The following MTHFD2L variants were observed in gnomAD, a reference collection of about 807,000 sequenced individuals.
MTHFD2L encodes methylenetetrahydrofolate dehydrogenase (NADP+ dependent) 2 like, also known as bifunctional methylenetetrahydrofolate dehydrogenase/cyclohydrolase 2, mitochondrial.
In MTHFD2L, 29 loss-of-function variants were observed where a neutral mutation model predicts 34.9. That is an observed-to-expected ratio of 0.83 (90% CI 0.62 to 1.13). The LOEUF is 1.13. MTHFD2L is among the 50% of genes most tolerant of loss of function. The probability of loss-of-function intolerance (pLI) is 0.00; values close to 1 mark genes in which losing one functional copy is unlikely to be tolerated. For synonymous variants in MTHFD2L, 167 were observed against 155.7 expected (o/e 1.07, Z -0.54); for missense variants, 481 against 446.5 (o/e 1.08, Z -0.70).
At chr4:74,270,914 A>C (rs1329316150) in intron 6 of MTHFD2L, among the ~76,000 whole-genome samples, 1 of 151,942 alleles carries the variant, frequency 6.6e-6, no homozygotes, top group Non-Finnish European at 1.5e-5. Flanking sequence ...CATTTCTCTG[A>C]TGGCCAGTGA....
chr4:74,225,706 A>G (rs1739044625), intron 6 of MTHFD2L, among the ~76,000 whole-genome samples: 2 of 152,162 alleles, frequency 1.3e-5, no homozygotes, highest in Non-Finnish European at 2.9e-5. Flanking sequence ...GCAGGTAAAT[A>G]ATACATTGTA....
intron 1 of MTHFD2L, among the ~76,000 whole-genome samples, chr4:74,151,126 A>T (rs982291100): frequency 6.6e-6 from 1 of 152,112 alleles, no homozygotes; most frequent in Admixed American, 6.5e-5. Flanking sequence ...ATATATAGTT[A>T]ACATTATATT....
intron 6 of MTHFD2L, among the ~76,000 whole-genome samples, chr4:74,272,309 C>T (rs1265361642): frequency 6.6e-6 from 1 of 152,074 alleles, no homozygotes; most frequent in Non-Finnish European, 1.5e-5. Flanking sequence ...ATGCCCACCA[C>T]CTGCATAGTA....
chr4:74,254,331 G>A (rs187073340), intron 6 of MTHFD2L, among the ~76,000 whole-genome samples: 8 of 152,022 alleles, frequency 5.3e-5, no homozygotes, highest in Admixed American at 3.9e-4. Context: ...ATACCAAAAC[G>A]CATTAAAATA....
intron 7 of MTHFD2L, among the ~76,000 whole-genome samples, chr4:74,289,593 A>G (rs1428168790): frequency 2.0e-5 from 3 of 152,226 alleles, no homozygotes; most frequent in Admixed American, 2.0e-4. Flanking sequence ...CTACTGAATG[A>G]CACATAGGCC....
intron 6 of MTHFD2L, among the ~76,000 whole-genome samples, chr4:74,244,917 G>T (rs781182372): frequency 6.6e-6 from 1 of 152,056 alleles, no homozygotes; most frequent in Non-Finnish European, 1.5e-5. Context: ...GTTGTTGGCC[G>T]GGTGCAGTGG....
chr4:74,212,527 G>T (rs1736505455), intron 5 of MTHFD2L, among the ~76,000 whole-genome samples: 1 of 152,114 alleles, frequency 6.6e-6, no homozygotes. Flanking sequence ...TTAATCCTGA[G>T]CTCCAATTTG....
intron 3 of MTHFD2L, among the ~76,000 whole-genome samples, chr4:74,175,772 T>G (rs1185209425): frequency 6.6e-6 from 1 of 152,046 alleles, no homozygotes; most frequent in Non-Finnish European, 1.5e-5. Context: ...CTACTGTGGT[T>G]CATAAATGTA....
chr4:74,286,480 A>G (rs914658665), intron 7 of MTHFD2L, among the ~76,000 whole-genome samples: 1 of 152,202 alleles, frequency 6.6e-6, no homozygotes, highest in Non-Finnish European at 1.5e-5. Flanking sequence ...AAATGAGATT[A>G]TGTGCCATGA....
intron 6 of MTHFD2L, among the ~76,000 whole-genome samples, chr4:74,239,949 C>G (rs1420425203): frequency 6.6e-6 from 1 of 152,080 alleles, no homozygotes; most frequent in African/African-American, 2.4e-5. Context: ...ACATCCTTCC[C>G]AGGGTAGTTG....
intron 6 of MTHFD2L, among the ~76,000 whole-genome samples, chr4:74,253,204 T>C (rs1439467894): frequency 6.6e-6 from 1 of 152,068 alleles, no homozygotes; most frequent in Non-Finnish European, 1.5e-5. Context: ...TAGTAAGCAG[T>C]AGTAGAAGAG....
At chr4:74,197,637 A>G (rs1010182880) in intron 3 of MTHFD2L, among the ~76,000 whole-genome samples, 1 of 152,162 alleles carries the variant, frequency 6.6e-6, no homozygotes, top group African/African-American at 2.4e-5. Flanking sequence ...ATCTTAGAAC[A>G]AAAAGATATG....
chr4:74,244,272 G>T (rs1010435616), intron 6 of MTHFD2L, among the ~76,000 whole-genome samples: 6 of 152,148 alleles, frequency 3.9e-5, no homozygotes, highest in African/African-American at 1.4e-4. Flanking sequence ...TAGATGAGTG[G>T]GTAGTCTTCA....
At chr4:74,151,236 A>G (rs750157024) in intron 1 of MTHFD2L, among the ~76,000 whole-genome samples, 3 of 152,232 alleles carry the variant, frequency 2.0e-5, no homozygotes, top group Non-Finnish European at 2.9e-5. Context: ...CACATTAATT[A>G]TCATGAAATA....
chr4:74,241,046 T>A (rs1741627861), intron 6 of MTHFD2L, among the ~76,000 whole-genome samples: 1 of 152,176 alleles, frequency 6.6e-6, no homozygotes, highest in Admixed American at 6.6e-5. Flanking sequence ...TAATTTCGGC[T>A]TTCAAATTCA....
intron 1 of MTHFD2L, among the ~76,000 whole-genome samples, chr4:74,133,865 G>C (rs1722722543): frequency 6.6e-6 from 1 of 151,950 alleles, no homozygotes; most frequent in African/African-American, 2.4e-5. Flanking sequence ...AAACCAAAAA[G>C]AAATACACAG....
At chr4:74,298,651 T>C (rs1256557334) in intron 7 of MTHFD2L, among the ~76,000 whole-genome samples, 1 of 152,000 alleles carries the variant, frequency 6.6e-6, no homozygotes, top group Non-Finnish European at 1.5e-5. Flanking sequence ...TAATTTGAAG[T>C]GTAATATGTA....
chr4:74,257,191 A>G (rs1004221807), intron 6 of MTHFD2L, among the ~76,000 whole-genome samples: 1 of 151,880 alleles, frequency 6.6e-6, no homozygotes, highest in African/African-American at 2.4e-5. Flanking sequence ...GTTTATATGT[A>G]TTTCTAGGTA....
intron 6 of MTHFD2L, among the ~76,000 whole-genome samples, chr4:74,238,202 A>G (rs1741135688): frequency 6.6e-6 from 1 of 151,930 alleles, no homozygotes. Flanking sequence ...TACTATGGAG[A>G]CTCTGACGGA....
Sources: gnomAD v4.1 joint callset for allele counts (sites outside exome capture counted in the v4.1 genomes callset) on GRCh38, gnomAD v4.1.1 for gene constraint, MANE v1.5 for transcripts, NCBI Gene and HGNC (gene_info 2026-07-23, HGNC 2026-07-21) for gene names.